The following MYLK4 variants were observed in gnomAD, a reference collection of about 807,000 sequenced individuals.
The protein encoded by MYLK4 is caMLCK like.
Under a neutral mutation model 48.1 loss-of-function variants are expected in MYLK4, and 46 were observed. The ratio of observed to expected loss-of-function variants is 0.96; its 90% CI spans 0.75 to 1.22. The LOEUF (loss-of-function observed/expected upper bound fraction) is 1.22. MYLK4 is among the 50% of genes most tolerant of loss of function. MYLK4 has a pLI of 0.00. For missense variants in MYLK4, 451 were observed against 486.1 expected (o/e 0.93, Z 0.68); for synonymous variants, 170 against 180.8 (o/e 0.94, Z 0.48).
intron 2 of MYLK4, among the ~76,000 whole-genome samples, chr6:2,745,358 T>C (rs1031829861): frequency 2.0e-5 from 3 of 152,236 alleles, no homozygotes; most frequent in Non-Finnish European, 4.4e-5. Flanking sequence ...ATTATAGTTA[T>C]GAAACCTGTT....
intron 2 of MYLK4, among the ~76,000 whole-genome samples, chr6:2,743,440 T>C (rs17135660): frequency 0.047 from 7,220 of 152,262 alleles, 194 homozygotes; most frequent in Middle Eastern, 0.1. Flanking sequence ...GGAATAGCTA[T>C]GGTGTTACAT....
At position 2,675,110 on chromosome 6, in the gene MYLK4, T is replaced by A; in HGVS notation, c.1056A>T (p.Ala352=). The A allele has an allele frequency of 6.2e-7, 1 of 1,613,962 alleles. No homozygotes were observed. The highest frequency in any genetic ancestry group is 8.5e-7 in the Non-Finnish European group (1 of 1,179,872). Residue 352 remains alanine (A), a synonymous_variant, in exon 11 of 13, where the codon GCA becomes GCT. Transcript: ENST00000274643. ...ACCAGGGGTGCTTGAGAGCTTCGCT[T>A]GCACTTATTCGCCAACTAGAAGGAA... ...LIKEKSWRIS[A]SEALKHPWLS... is the part of the protein sequence containing the mutation.
chr6:2,681,003 T>C (rs1258544923), intron 7 of MYLK4, among the ~76,000 whole-genome samples: 1 of 152,148 alleles, frequency 6.6e-6, no homozygotes, highest in African/African-American at 2.4e-5. Flanking sequence ...CACTCAGTGT[T>C]CACAGAATGC....
chr6:2,701,454 G>A (rs1762277610), intron 2 of MYLK4, among the ~76,000 whole-genome samples: 1 of 152,056 alleles, frequency 6.6e-6, no homozygotes, highest in Non-Finnish European at 1.5e-5. Flanking sequence ...AGAGATCTGC[G>A]CTTAGACTCA....
chr6:2,701,049 T>C (rs1490919315), intron 2 of MYLK4, among the ~76,000 whole-genome samples: 1 of 152,202 alleles, frequency 6.6e-6, no homozygotes, highest in Non-Finnish European at 1.5e-5. Flanking sequence ...GTCAACCGAC[T>C]TCAAATGGAA....
intron 2 of MYLK4, among the ~76,000 whole-genome samples, chr6:2,707,898 T>G (rs1190177054): frequency 6.6e-6 from 1 of 152,184 alleles, no homozygotes; most frequent in Non-Finnish European, 1.5e-5. Context: ...AATATGGATA[T>G]GTATTTTTAG....
rs557322200 is a variant in MYLK4 at position 2,666,672 on chromosome 6, C to T, written c.*1253G>A. The T allele has an allele frequency of 2.0e-5, 3 of 152,318 alleles. No homozygotes were observed. Among genetic ancestry groups the T allele is most frequent in the Admixed American group, 6.5e-5 (1 of 15,296 alleles). The allele number at this position is 152,318 out of a possible 1,614,324, so 9.4% of individuals were successfully genotyped here. Reference sequence around the variant, plus strand: ...AGGAATTTTGTGGGGCTTTTCCTTGCCTCTCCTTCATGTGGAAATGACACA... The same window carrying T: ...AGGAATTTTGTGGGGCTTTTCCTTGTCTCTCCTTCATGTGGAAATGACACA... On this transcript the variant is annotated 3_prime_UTR_variant, in exon 13 of 13. Transcript: ENST00000274643.
intron 11 of MYLK4, among the ~76,000 whole-genome samples, chr6:2,671,939 T>G (rs1266454223): frequency 6.6e-6 from 1 of 152,200 alleles, no homozygotes; most frequent in Non-Finnish European, 1.5e-5. Flanking sequence ...GAGCAGGCCC[T>G]GACTGCAACC....
intron 4 of MYLK4, among the ~76,000 whole-genome samples, chr6:2,687,467 C>T (rs1337963341): frequency 4.6e-5 from 7 of 152,192 alleles, no homozygotes; most frequent in Non-Finnish European, 1.0e-4. Context: ...ATTGACAAAC[C>T]TTGACCAGAA....
chr6:2,669,700 C>T (rs913831479), intron 12 of MYLK4, among the ~76,000 whole-genome samples: 1 of 152,194 alleles, frequency 6.6e-6, no homozygotes, highest in African/African-American at 2.4e-5. Flanking sequence ...AGTGCCATAA[C>T]CTAGGCCTGG....
At position 2,666,729 on chromosome 6, in the gene MYLK4, C is replaced by T. The variant is rs1760670233; in HGVS notation, c.*1196G>A. On this transcript the variant is annotated 3_prime_UTR_variant, in exon 13 of 13. Transcript: ENST00000274643. ...TCGCTCTTTAAAGCCCAGTGCCTTT[C>T]TGGGCCCCATAAGCTGTCTACAGTA... 6.6e-6 allele frequency: 1 copy of T among 152,204 alleles called. No individual in the cohort carries two copies. Among genetic ancestry groups the T allele is most frequent in the Admixed American group, 6.5e-5 (1 of 15,280 alleles). 9.4% of individuals were successfully genotyped at this position (152,204 alleles called of 1,614,324 possible).
the MYLK4 span, chr6:2,765,573 C>G: frequency 7.1e-7 from 1 of 1,418,264 alleles, no homozygotes; most frequent in Non-Finnish European, 9.2e-7. Flanking sequence ...CCTCCGCGTG[C>G]GCACGGGTTG....
At chr6:2,676,802 CA>C (rs778390650) in intron 10 of MYLK4, among the ~76,000 whole-genome samples, 22 of 152,154 alleles carry the variant, frequency 1.4e-4, no homozygotes, top group Non-Finnish European at 2.6e-4. Flanking sequence ...TCAGTTTCCC[CA>C]TGTGTAAAAT....
chr6:2,683,387 C>CAT (rs1761394838), intron 6 of MYLK4, among the ~76,000 whole-genome samples: 2 of 86,206 alleles, frequency 2.3e-5, no homozygotes, highest in Non-Finnish European at 2.6e-5. Context: ...AACTCCCCAC[C>CAT]TTTTTGTGTG....
At chr6:2,719,788 G>C (rs1763002207) in intron 2 of MYLK4, among the ~76,000 whole-genome samples, 1 of 152,138 alleles carries the variant, frequency 6.6e-6, no homozygotes, top group South Asian at 2.1e-4. Context: ...AACAAAGTGA[G>C]GCTCAAGTGT....
intron 2 of MYLK4, among the ~76,000 whole-genome samples, chr6:2,703,148 T>C (rs576540957): frequency 6.6e-5 from 10 of 152,244 alleles, no homozygotes; most frequent in South Asian, 4.1e-4. Context: ...ATATCTAGCA[T>C]GGAGGGGGCC....
chr6:2,677,994 T>C (rs928521403), intron 10 of MYLK4, among the ~76,000 whole-genome samples: 1 of 152,236 alleles, frequency 6.6e-6, no homozygotes, highest in Non-Finnish European at 1.5e-5. Flanking sequence ...ATGGCTGGTA[T>C]GGCCATATGA....
chr6:2,696,203 C>G (rs1762053222), intron 2 of MYLK4, among the ~76,000 whole-genome samples: 1 of 152,212 alleles, frequency 6.6e-6, no homozygotes, highest in Non-Finnish European at 1.5e-5. Context: ...TCCACTCTGT[C>G]TGGCTTCCTA....
At chr6:2,715,751 T>C (rs1242803378) in intron 2 of MYLK4, among the ~76,000 whole-genome samples, 2 of 152,230 alleles carry the variant, frequency 1.3e-5, no homozygotes, top group Non-Finnish European at 1.5e-5. Flanking sequence ...AAATTCTTGC[T>C]GTCTCCCCAT....
Sources: allele counts gnomAD v4.1 joint callset (sites outside exome capture counted in the v4.1 genomes callset), GRCh38; gene constraint gnomAD v4.1.1; transcripts MANE v1.5; gene names NCBI Gene and HGNC (gene_info 2026-07-23, HGNC 2026-07-21).